ARHGAP24: variants seen among roughly 807,000 people sequenced by gnomAD.
ARHGAP24 encodes Rho GTPase activating protein 24, also known as rho GTPase-activating protein 24.
Under a neutral mutation model 76.4 loss-of-function variants are expected in ARHGAP24, and 50 were observed. That is an observed-to-expected ratio of 0.65 (90% CI 0.52 to 0.83). The LOEUF is 0.83. Ranked by LOEUF, ARHGAP24 falls within the 40% of genes least tolerant of loss-of-function variation. The pLI is 0.00. For synonymous variants in ARHGAP24, 345 were observed against 323.3 expected, an observed-to-expected ratio of 1.07 and a Z score of -0.72; for missense variants, 930 against 914.2, an observed-to-expected ratio of 1.02 and a Z score of -0.22.
chr4:85,520,711 T>C (rs144951519), intron 1 of ARHGAP24, among the ~76,000 whole-genome samples: 116 of 152,330 alleles, frequency 7.6e-4, no homozygotes, highest in African/African-American at 2.7e-3. Context: ...ATTCAAAGGA[T>C]ATGCACTTGA....
At chr4:85,781,637 G>A (rs1439568385) in intron 3 of ARHGAP24, among the ~76,000 whole-genome samples, 1 of 149,892 alleles carries the variant, frequency 6.7e-6, no homozygotes, top group Non-Finnish European at 1.5e-5. Context: ...AGCATCAGAT[G>A]GTGTATATGA....
chr4:85,585,366 T>C (rs1052661823), intron 2 of ARHGAP24, among the ~76,000 whole-genome samples: 4 of 152,234 alleles, frequency 2.6e-5, no homozygotes, highest in African/African-American at 9.6e-5. Context: ...TTCTTGGGCA[T>C]GGGACAGAGA....
At chr4:85,991,171 C>G (rs1032741673) in intron 8 of ARHGAP24, 20 of 152,004 alleles carry the variant, frequency 1.3e-4, no homozygotes, top group African/African-American at 4.6e-4. Flanking sequence ...ATTAGAAAAA[C>G]TAAAATGTAA....
At chr4:85,557,608 A>T (rs2200049) in intron 1 of ARHGAP24, among the ~76,000 whole-genome samples, 8,410 of 152,094 alleles carry the variant, frequency 0.055, 754 homozygotes, top group African/African-American at 0.19. Flanking sequence ...TGTTTCCCTG[A>T]TGAATCCCAA....
chr4:85,934,988 G>T (rs776570460), intron 4 of ARHGAP24, among the ~76,000 whole-genome samples: 1 of 152,146 alleles, frequency 6.6e-6, no homozygotes, highest in Non-Finnish European at 1.5e-5. Flanking sequence ...TTCAATCAGG[G>T]ATTCAAGATC....
intron 2 of ARHGAP24, among the ~76,000 whole-genome samples, chr4:85,697,723 A>G (rs527807765): frequency 6.0e-4 from 92 of 152,318 alleles, no homozygotes; most frequent in Non-Finnish European, 1.0e-3. Context: ...AGGAATCAGA[A>G]CACACTTGGA....
chr4:85,513,696 G>A (rs530798355), intron 1 of ARHGAP24, among the ~76,000 whole-genome samples: 1 of 152,220 alleles, frequency 6.6e-6, no homozygotes, highest in East Asian at 1.9e-4. Context: ...CAAACTATGG[G>A]AAGGATTGGC....
intron 4 of ARHGAP24, among the ~76,000 whole-genome samples, chr4:85,933,894 G>C (rs988633469): frequency 9.9e-5 from 15 of 152,092 alleles, no homozygotes; most frequent in African/African-American, 3.6e-4. Flanking sequence ...TTATCATCAG[G>C]TCCTCAGTGG....
chr4:85,571,487 G>C (rs1345923816), intron 2 of ARHGAP24, among the ~76,000 whole-genome samples: 1 of 152,176 alleles, frequency 6.6e-6, no homozygotes, highest in East Asian at 1.9e-4. Flanking sequence ...ACATACATGA[G>C]AGAAGAAACA....
At chr4:85,698,827 A>C (rs546380337) in intron 2 of ARHGAP24, among the ~76,000 whole-genome samples, 2 of 152,100 alleles carry the variant, frequency 1.3e-5, no homozygotes, top group African/African-American at 4.8e-5. Flanking sequence ...TGTAACCCCA[A>C]TGCTGGAGGT....
At chr4:85,828,038 G>A in intron 3 of ARHGAP24, 1 of 1,213,180 alleles carries the variant, frequency 8.2e-7, no homozygotes, top group Non-Finnish European at 1.1e-6. Context: ...TGTTGATTGT[G>A]TTTAATAATT....
At chr4:85,774,569 ACCTC>A (rs1727240986) in intron 3 of ARHGAP24, among the ~76,000 whole-genome samples, 1 of 152,084 alleles carries the variant, frequency 6.6e-6, no homozygotes, top group Non-Finnish European at 1.5e-5. Context: ...AGCTCTTAGG[ACCTC>A]TAGCAAATGT....
chr4:85,817,222 C>A (rs1348590447), intron 3 of ARHGAP24, among the ~76,000 whole-genome samples: 1 of 152,132 alleles, frequency 6.6e-6, no homozygotes, highest in Non-Finnish European at 1.5e-5. Context: ...TTTCTCCAGT[C>A]TGTTGATTGT....
intron 3 of ARHGAP24, among the ~76,000 whole-genome samples, chr4:85,819,241 A>G (rs927994474): frequency 3.9e-5 from 6 of 152,250 alleles, no homozygotes; most frequent in African/African-American, 1.4e-4. Context: ...TTAAAAATCA[A>G]TGTAATGCCA....
At chr4:85,927,458 T>C (rs1736082058) in intron 4 of ARHGAP24, among the ~76,000 whole-genome samples, 1 of 152,182 alleles carries the variant, frequency 6.6e-6, no homozygotes, top group Non-Finnish European at 1.5e-5. Context: ...AACCATTGAA[T>C]TGTACATTTT....
chr4:85,890,912 G>A (rs1034255311), intron 3 of ARHGAP24, among the ~76,000 whole-genome samples: 1 of 152,112 alleles, frequency 6.6e-6, no homozygotes, highest in African/African-American at 2.4e-5. Context: ...AAAACAGAGT[G>A]GGCACCAACA....
At chr4:85,967,306 TCAAA>T (rs1276823229) in intron 5 of ARHGAP24, among the ~76,000 whole-genome samples, 1 of 152,060 alleles carries the variant, frequency 6.6e-6, no homozygotes, top group Non-Finnish European at 1.5e-5. Context: ...AAATATAAAC[TCAAA>T]CGAAGAATAA....
At chr4:85,793,448 G>GA (rs1427248524) in intron 3 of ARHGAP24, among the ~76,000 whole-genome samples, 2 of 152,008 alleles carry the variant, frequency 1.3e-5, no homozygotes, top group African/African-American at 2.4e-5. Context: ...AACATAGCCT[G>GA]AAAAAAATGA....
intron 2 of ARHGAP24, among the ~76,000 whole-genome samples, chr4:85,624,509 T>G (rs1257475098): frequency 6.6e-6 from 1 of 152,206 alleles, no homozygotes; most frequent in African/African-American, 2.4e-5. Context: ...TGAGGATTTT[T>G]GTATCAATGT....
Sources: gnomAD v4.1 joint callset for allele counts (sites outside exome capture counted in the v4.1 genomes callset) on GRCh38, gnomAD v4.1.1 for gene constraint, MANE v1.5 for transcripts, NCBI Gene and HGNC (gene_info 2026-07-23, HGNC 2026-07-21) for gene names.